CCDC85A: variants seen among roughly 807,000 people sequenced by gnomAD.
CCDC85A encodes the protein coiled-coil domain-containing protein 85A.
CCDC85A carries 38 observed loss-of-function variants against 50.2 expected under a neutral mutation model. The observed-to-expected ratio is 0.76, with a 90% confidence interval of 0.58 to 0.99. The LOEUF (loss-of-function observed/expected upper bound fraction) is 0.99. CCDC85A is among the 50% of genes least tolerant of loss of function. The pLI is 0.00. For missense variants in CCDC85A, 820 were observed against 742.0 expected, an observed-to-expected ratio of 1.11 and a Z score of -1.22; for synonymous variants, 366 against 301.4, an observed-to-expected ratio of 1.21 and a Z score of -2.22.
chr2:56,305,799 G>A (rs182816117), intron 2 of CCDC85A, among the ~76,000 whole-genome samples: 13 of 152,282 alleles, frequency 8.5e-5, no homozygotes, highest in East Asian at 1.9e-4. Flanking sequence ...ATTAATTGCC[G>A]AATTTATTTC....
Position 56,372,402 on chromosome 2 carries a change from G to T in CCDC85A, c.1376G>T (p.Trp459Leu). ...AACAGCTCAAATATGGAGAAAGGCT[G>T]GGGGTCCAGAGCCCGGCGGGTCTTG... ...TRNSSNMEKG[W>L]GSRARRVLQW... The change falls in exon 4 of 6, where the codon TGG becomes TTG. Residue 459 changes from tryptophan (W) to leucine (L), a missense_variant. Physicochemically the swap from Trp to Leu is moderately conservative, Grantham distance 61. Transcript: ENST00000407595. 1 of 1,604,442 alleles carries T rather than the reference G, an allele frequency of 6.2e-7. No homozygotes were observed. Among genetic ancestry groups the T allele is most frequent in the Middle Eastern group, 1.7e-4 (1 of 6,054 alleles).
intron 3 of CCDC85A, among the ~76,000 whole-genome samples, chr2:56,366,047 AT>A (rs760701737): frequency 1.1e-4 from 16 of 152,074 alleles, no homozygotes; most frequent in Non-Finnish European, 2.1e-4. Flanking sequence ...ATTTAGTGTA[AT>A]GTCCTCCAGG....
chr2:56,204,526 A>T (rs909091438), intron 2 of CCDC85A, among the ~76,000 whole-genome samples: 2 of 152,206 alleles, frequency 1.3e-5, no homozygotes, highest in African/African-American at 4.8e-5. Flanking sequence ...ACCACAGTCC[A>T]TGCTGCCTCC....
At position 56,240,840 on chromosome 2, in the gene CCDC85A, A is replaced by G. The variant is rs370429303; in HGVS notation, c.1240+47400A>G. 1.0e-3 allele frequency among the ~76,000 whole-genome samples: 158 copies of G among 152,316 alleles called. 7 individuals carry two copies. The South Asian group carries it at 0.031, about 30-fold the overall frequency. Reference sequence around the variant, plus strand: ...TTTTGCTATTATGAGTAAGGCCACTATAAACATTGTGTATAAGTGTTTGTG... The same window carrying G: ...TTTTGCTATTATGAGTAAGGCCACTGTAAACATTGTGTATAAGTGTTTGTG... On this transcript the variant is annotated intron_variant, in intron 2 of 5. Coordinates refer to ENST00000407595, the MANE Select transcript of CCDC85A (RefSeq NM_001080433.2).
At chr2:56,342,993 A>G (rs1287842391) in intron 3 of CCDC85A, 38 bp downstream of exon 3, 1 of 1,346,342 alleles carries the variant, frequency 7.4e-7, no homozygotes, top group South Asian at 1.3e-5. Context: ...AGTCAGTGCC[A>G]TTTAAGTTGT....
chr2:56,379,023 TA>T (rs781448470), intron 5 of CCDC85A, among the ~76,000 whole-genome samples: 2 of 152,212 alleles, frequency 1.3e-5, no homozygotes, highest in Non-Finnish European at 2.9e-5. Flanking sequence ...TAGACATTTT[TA>T]AAGGAATATT....
At chr2:56,292,182 A>C (rs1306443626) in intron 2 of CCDC85A, among the ~76,000 whole-genome samples, 2 of 152,074 alleles carry the variant, frequency 1.3e-5, no homozygotes, top group Non-Finnish European at 2.9e-5. Context: ...TCCTGGGTTC[A>C]TGCCATTCTC....
At chr2:56,343,882 A>C (rs1351263124) in intron 3 of CCDC85A, among the ~76,000 whole-genome samples, 2 of 152,222 alleles carry the variant, frequency 1.3e-5, no homozygotes, top group East Asian at 1.9e-4. Context: ...AGAAATTTGA[A>C]CATTAATGCA....
intron 2 of CCDC85A, among the ~76,000 whole-genome samples, chr2:56,222,146 A>ATATTC (rs1668353741): frequency 6.6e-6 from 1 of 152,134 alleles, no homozygotes; most frequent in Non-Finnish European, 1.5e-5. Context: ...TATGGGGGAC[A>ATATTC]TATTCTAACC....
intron 2 of CCDC85A, among the ~76,000 whole-genome samples, chr2:56,293,730 A>C (rs1266352768): frequency 6.7e-6 from 1 of 150,240 alleles, no homozygotes; most frequent in African/African-American, 2.4e-5. Flanking sequence ...ATCATTAGAG[A>C]AATTCAAATC....
chr2:56,366,994 A>G (rs1349014709), intron 3 of CCDC85A, among the ~76,000 whole-genome samples: 1 of 151,956 alleles, frequency 6.6e-6, no homozygotes, highest in East Asian at 1.9e-4. Context: ...CCCCACTTCT[A>G]TTTGCTGGCA....
Position 56,353,240 on chromosome 2 carries a change from C to T in CCDC85A, c.1317+10285C>T, listed in dbSNP as rs145643151. On this transcript the variant is annotated intron_variant, in intron 3 of 5. Transcript: ENST00000407595. ...CAGATATACAGATAGTGTGCTCACACGCTAGTCTAATCAGTGTTGGTTTTA... is the reference window on the plus strand; with the variant it reads ...CAGATATACAGATAGTGTGCTCACATGCTAGTCTAATCAGTGTTGGTTTTA... 9.0e-4 allele frequency among the ~76,000 whole-genome samples: 137 copies of T among 152,268 alleles called. 1 individual carries two copies. In the South Asian group the frequency reaches 0.012, roughly 13 times the overall value.
chr2:56,245,330 G>A (rs1380112533), intron 2 of CCDC85A, among the ~76,000 whole-genome samples: 1 of 152,190 alleles, frequency 6.6e-6, no homozygotes, highest in Non-Finnish European at 1.5e-5. Flanking sequence ...GCCCAGTGTT[G>A]GCAGCACTGA....
chr2:56,255,458 G>A (rs1462296418), intron 2 of CCDC85A, among the ~76,000 whole-genome samples: 3 of 152,050 alleles, frequency 2.0e-5, no homozygotes, highest in Admixed American at 6.6e-5. Context: ...GTAAAAGATG[G>A]TAAGAACTGT....
intron 2 of CCDC85A, among the ~76,000 whole-genome samples, chr2:56,339,621 T>C (rs573592965): frequency 9.8e-5 from 15 of 152,332 alleles, no homozygotes; most frequent in African/African-American, 3.6e-4. Flanking sequence ...TTATAGATAG[T>C]GCAGCATAGG....
intron 2 of CCDC85A, among the ~76,000 whole-genome samples, chr2:56,328,832 A>G (rs1053384701): frequency 1.3e-5 from 2 of 151,986 alleles, no homozygotes; most frequent in African/African-American, 2.4e-5. Context: ...TGCACAACCC[A>G]CAGTCATCTC....
chr2:56,335,441 A>G lies in CCDC85A; in HGVS notation c.1241-7438A>G, dbSNP rs765743041. 2.6e-5 allele frequency among the ~76,000 whole-genome samples: 4 copies of G among 152,094 alleles called. No individual in the cohort carries two copies. In the South Asian group the frequency reaches 8.3e-4, roughly 32 times the overall value. Reference sequence around the variant, plus strand: ...TCTTAGTCCACTTTTTGCTACTATAACAGAATACCACAGACTGGGTGATTT... The same window carrying G: ...TCTTAGTCCACTTTTTGCTACTATAGCAGAATACCACAGACTGGGTGATTT... On this transcript the variant is annotated intron_variant, in intron 2 of 5. Coordinates refer to ENST00000407595, the MANE Select transcript of CCDC85A (RefSeq NM_001080433.2).
Position 56,192,466 on chromosome 2 carries a change from T to C in CCDC85A, c.277-11T>C, listed in dbSNP as rs759422834. 2.3e-5 allele frequency: 36 copies of C among 1,597,192 alleles called. No individual in the cohort carries two copies. Among genetic ancestry groups the C allele is most frequent in the Non-Finnish European group, 3.1e-5 (36 of 1,171,808 alleles). The stretch of plus-strand genomic sequence containing the variant: ...TGTACTTCCCTTGAATGGTTGTGTC[T>C]CTCTTTTCAGGATATCAACCAGAAA... On this transcript the variant is annotated splice_polypyrimidine_tract_variant and intron_variant, in intron 1 of 5. Transcript: ENST00000407595. The surrounding 1 kb of genome is among the most constrained non-coding windows in gnomAD (Gnocchi z 4.7).
Position 56,259,710 on chromosome 2 carries a change from A to G in CCDC85A, c.1240+66270A>G, listed in dbSNP as rs114556396. Among the ~76,000 whole-genome samples, 218 of 152,308 alleles carry G rather than the reference A, an allele frequency of 1.4e-3. 2 individuals carry two copies. The highest frequency in any genetic ancestry group is 5.0e-3 in the African/African-American group (206 of 41,562). Reference sequence around the variant, plus strand: ...ACCTTCCTAGATCTTCCCAGAGCCTATTCTCCAAGGACTAGAAATTTCACC... The same window carrying G: ...ACCTTCCTAGATCTTCCCAGAGCCTGTTCTCCAAGGACTAGAAATTTCACC... On this transcript the variant is annotated intron_variant, in intron 2 of 5. Transcript: ENST00000407595.
Sources: gnomAD v4.1 joint callset for allele counts (sites outside exome capture counted in the v4.1 genomes callset) on GRCh38, gnomAD v4.1.1 for gene constraint, Gnocchi (gnomAD v3.1) non-coding constraint, MANE v1.5 for transcripts, NCBI Gene and HGNC (gene_info 2026-07-23, HGNC 2026-07-21) for gene names.